MAGEA12: variants seen among roughly 807,000 people sequenced by gnomAD.
The protein encoded by MAGEA12 is melanoma-associated antigen 12.
For missense variants in MAGEA12, 235 were observed against 240.1 expected, an observed-to-expected ratio of 0.98 and a Z score of 0.14; for synonymous variants, 135 against 104.7, an observed-to-expected ratio of 1.29 and a Z score of -1.77.
At position 152,733,839 on chromosome X, in the gene MAGEA12, C is replaced by G. The variant is rs1932226058; in HGVS notation, c.-202C>G. 9.0e-6 allele frequency: 1 copy of G among 110,832 alleles called. No individual in the cohort carries two copies. 9.1% of individuals were successfully genotyped at this position (110,832 alleles called of 1,213,427 possible). A position where few individuals can be genotyped will look rare whatever the true frequency, so the allele number is the denominator to read the frequency against. ...TGACGTCGGTGGAGGGAAGCAGGCG[C>G]AGGCTCCGTGAGGAGGCAAGGTAAG... On this transcript the variant is annotated 5_prime_UTR_variant, in exon 1 of 3. Transcript: ENST00000393869.
rs782593264 is a variant in MAGEA12, at chrX:152,736,881, G to A, written c.720G>A (p.Ala240=). ...ASDGREDSVF[A]HPRKLLTQDL... ...ATGGGAGGGAGGACAGTGTCTTTGC[G>A]CATCCCAGGAAGCTGCTCACCCAAG... is the stretch of plus-strand genomic sequence containing the variant. Residue 240 remains alanine, a synonymous_variant, in exon 3 of 3, where the codon GCG becomes GCA. Transcript: ENST00000393869. 1.6e-4 allele frequency: 192 copies of A among 1,174,097 alleles called. No homozygotes were observed. Among genetic ancestry groups the A allele is most frequent in the Non-Finnish European group, 2.1e-4 (183 of 861,125 alleles).
intron 2 of MAGEA12, among the ~76,000 whole-genome samples, chrX:152,735,770 T>C (rs782443482): frequency 3.2e-4 from 36 of 112,094 alleles, no homozygotes; most frequent in Admixed American, 1.0e-3. Flanking sequence ...CCGACCCTCC[T>C]GACAATTTTG....
At chrX:152,734,354 T>TAG (rs1932252198) in intron 1 of MAGEA12, among the ~76,000 whole-genome samples, 8 of 111,257 alleles carry the variant, frequency 7.2e-5, no homozygotes, top group African/African-American at 2.3e-4. Context: ...TTCACATCTG[T>TAG]GGCTCAGGGA....
At position 152,737,324 on chromosome X, in the gene MAGEA12, T is replaced by G. The variant is rs1932351368; in HGVS notation, c.*218T>G. 1 of 525,112 alleles carries G rather than the reference T, an allele frequency of 1.9e-6. No individual in the cohort carries two copies. The highest frequency in any genetic ancestry group is 2.3e-5 in the African/African-American group (1 of 44,128). 43.3% of individuals were successfully genotyped at this position (525,112 alleles called of 1,213,427 possible). A position where few individuals can be genotyped will look rare whatever the true frequency, so the allele number is the denominator to read the frequency against. On this transcript the variant is annotated 3_prime_UTR_variant, in exon 3 of 3. Coordinates refer to ENST00000393869, the MANE Select transcript of MAGEA12 (RefSeq NM_001166387.4). ...TGTTGGAATTGTTCAAATGTTCCTT[T>G]TAACGGATGGTTGAATGAACTTCAG...
In MAGEA12 at chrX:152,733,867, G is replaced by A. The variant is rs1932227872; in HGVS notation, c.-182+8G>A. 1 of 110,790 alleles carries A rather than the reference G, an allele frequency of 9.0e-6. No individual in the cohort carries two copies. The highest frequency in any genetic ancestry group is 9.5e-5 in the Admixed American group (1 of 10,531). The allele number at this position is 110,790 out of a possible 1,213,427, so 9.1% of individuals were successfully genotyped here. A position where few individuals can be genotyped will look rare whatever the true frequency, so the allele number is the denominator to read the frequency against. On this transcript the variant is annotated splice_region_variant and intron_variant, in intron 1 of 2. Transcript: ENST00000393869. Reference sequence around the variant, plus strand: ...GCTCCGTGAGGAGGCAAGGTAAGATGCCGAGGGAGGACTGAGGCGGGCCTC... The same window carrying A: ...GCTCCGTGAGGAGGCAAGGTAAGATACCGAGGGAGGACTGAGGCGGGCCTC...
chrX:152,735,620 G>A (rs1932298467), intron 2 of MAGEA12, among the ~76,000 whole-genome samples: 1 of 112,206 alleles, frequency 8.9e-6, no homozygotes, highest in Admixed American at 9.3e-5. Context: ...TACCGTATCA[G>A]GGATGTGAAT....
chrX:152,737,404 G>A lies in MAGEA12; in HGVS notation c.*298G>A. The A allele has an allele frequency of 2.4e-6, 1 of 419,754 alleles. No homozygotes were observed. Among genetic ancestry groups the A allele is most frequent in the South Asian group, 2.8e-5 (1 of 36,173 alleles). 34.6% of individuals were successfully genotyped at this position (419,754 alleles called of 1,213,427 possible). Reference sequence around the variant, plus strand: ...ACATAGTGCTGTTTATATAGTTTAGGAGTAAGAGTGTTGTTTTTTATTCAG... The same window carrying A: ...ACATAGTGCTGTTTATATAGTTTAGAAGTAAGAGTGTTGTTTTTTATTCAG... On this transcript the variant is annotated 3_prime_UTR_variant, in exon 3 of 3. Transcript: ENST00000393869.
In MAGEA12 at chrX:152,737,605, G is replaced by T. The variant is rs186853682; in HGVS notation, c.*499G>T. 7 of 185,269 alleles carry T rather than the reference G, an allele frequency of 3.8e-5. No homozygotes were observed. The East Asian group carries it at 1.1e-3, about 30-fold the overall frequency. 15.3% of individuals were successfully genotyped at this position (185,269 alleles called of 1,213,427 possible). On this transcript the variant is annotated 3_prime_UTR_variant, in exon 3 of 3. Transcript: ENST00000393869. ...TCTATTCTGTAAATTTGAAAAAAAA[G>T]CATGGATACCTGGATATCCTTGGCT...
Position 152,736,708 on chromosome X carries a change from G to A in MAGEA12, c.547G>A (p.Gly183Ser). The A allele has an allele frequency of 8.3e-7, 1 of 1,211,914 alleles. No individual in the cohort carries two copies. Among genetic ancestry groups the A allele is most frequent in the Non-Finnish European group, 1.1e-6 (1 of 895,587 alleles). The change falls in exon 3 of 3, where the codon GGC becomes AGC. Residue 183 changes from glycine (G) to serine (S), a missense_variant. Gly to Ser is a moderately conservative substitution (Grantham distance 56, BLOSUM62 0). Coordinates refer to ENST00000393869, the MANE Select transcript of MAGEA12 (RefSeq NM_001166387.4). ...CTTGTACATCCTTGTCACCTGCCTGGGCCTCTCCTACGATGGCCTGCTGGG... is the reference window on the plus strand; with the variant it reads ...CTTGTACATCCTTGTCACCTGCCTGAGCCTCTCCTACGATGGCCTGCTGGG... ...GHLYILVTCL[G>S]LSYDGLLGDN...
chrX:152,736,624 T>G lies in MAGEA12; in HGVS notation c.463T>G (p.Ser155Ala), dbSNP rs782166418. The G allele has an allele frequency of 7.3e-5, 88 of 1,210,025 alleles. No individual in the cohort carries two copies. The highest frequency in any genetic ancestry group is 9.5e-5 in the Non-Finnish European group (85 of 895,260). The change falls in exon 3 of 3, where the codon TCC becomes GCC. Residue 155 changes from serine (S) to alanine (A), a missense_variant. Transcript: ENST00000393869. ...DFFPVIFSKASEYLQLVFGIE... is the reference protein window; with the variant it reads ...DFFPVIFSKAAEYLQLVFGIE... ...CTTTCCTGTGATCTTCAGCAAAGCC[T>G]CCGAGTACTTGCAGCTGGTCTTTGG...
Position 152,736,894 on chromosome X carries a change from C to A in MAGEA12, c.733C>A (p.Leu245Met). 1 of 1,212,139 alleles carries A rather than the reference C, an allele frequency of 8.2e-7. No individual in the cohort carries two copies. Among genetic ancestry groups the A allele is most frequent in the Non-Finnish European group, 1.1e-6 (1 of 895,599 alleles). Residue 245 changes from leucine to methionine, a missense_variant, in exon 3 of 3, where the codon CTG (leucine) becomes ATG (methionine). Transcript: ENST00000393869. ...CAGTGTCTTTGCGCATCCCAGGAAG[C>A]TGCTCACCCAAGATTTGGTGCAGGA... Reference protein sequence around the residue: ...EDSVFAHPRKLLTQDLVQENY... With the variant: ...EDSVFAHPRKMLTQDLVQENY...
In MAGEA12 at chrX:152,736,413, T is replaced by C; in HGVS notation, c.252T>C (p.Asp84=). Residue 84 remains aspartate (D), a synonymous_variant, in exon 3 of 3, where the codon GAT becomes GAC. Coordinates refer to ENST00000393869, the MANE Select transcript of MAGEA12 (RefSeq NM_001166387.4). ...TINYTLWSQS[D]EGSSNEEQEG... is the part of the protein sequence containing the mutation. ...ACTATACTCTCTGGAGTCAATCCGA[T>C]GAGGGCTCCAGCAACGAAGAACAGG... 1 of 1,211,537 alleles carries C rather than the reference T, an allele frequency of 8.3e-7. No homozygotes were observed. Among genetic ancestry groups the C allele is most frequent in the East Asian group, 3.0e-5 (1 of 33,813 alleles).
chrX:152,734,502 C>G (rs782586107), intron 1 of MAGEA12, among the ~76,000 whole-genome samples: 117 of 111,266 alleles, frequency 1.1e-3, no homozygotes, highest in Non-Finnish European at 1.3e-3. Context: ...TCAAACTGAG[C>G]CACCTTTTCA....
In MAGEA12 at chrX:152,736,647, T is replaced by C. The variant is rs1932331815; in HGVS notation, c.486T>C (p.Phe162=). 1 of 1,210,276 alleles carries C rather than the reference T, an allele frequency of 8.3e-7. No individual in the cohort carries two copies. The highest frequency in any genetic ancestry group is 1.7e-5 in the African/African-American group (1 of 57,166). ...SKASEYLQLV[F]GIEVVEVVRI... The stretch of plus-strand genomic sequence containing the variant: ...CCTCCGAGTACTTGCAGCTGGTCTT[T>C]GGCATCGAGGTGGTGGAAGTGGTCC... Residue 162 remains phenylalanine (F), a synonymous_variant, in exon 3 of 3, where the codon TTT becomes TTC. Coordinates refer to ENST00000393869, the MANE Select transcript of MAGEA12 (RefSeq NM_001166387.4).
Position 152,737,588 on chromosome X carries a change from G to T in MAGEA12, c.*482G>T. 2.3e-5 allele frequency: 4 copies of T among 172,462 alleles called. No homozygotes were observed. Among genetic ancestry groups the T allele is most frequent in the South Asian group, 1.2e-4 (1 of 8,586 alleles). 14.2% of individuals were successfully genotyped at this position (172,462 alleles called of 1,213,427 possible). A position where few individuals can be genotyped will look rare whatever the true frequency, so the allele number is the denominator to read the frequency against. On this transcript the variant is annotated 3_prime_UTR_variant, in exon 3 of 3. Transcript: ENST00000393869. ...CTTGCCTTATACCTCACTCTATTCT[G>T]TAAATTTGAAAAAAAAGCATGGATA...
intron 2 of MAGEA12, among the ~76,000 whole-genome samples, chrX:152,735,614 G>A (rs1440008381): frequency 4.5e-5 from 5 of 112,047 alleles, no homozygotes; most frequent in African/African-American, 1.6e-4. Flanking sequence ...CTTCTGTACC[G>A]TATCAGGGAT....
intron 2 of MAGEA12, 65 bp from the exon 3 acceptor site, chrX:152,736,022 T>C: frequency 3.1e-6 from 2 of 639,701 alleles, no homozygotes; most frequent in East Asian, 6.8e-5. Context: ...CCTACTGTCA[T>C]TCCTTCAGCC....
In MAGEA12 at chrX:152,734,884, T is replaced by C. The variant is rs782199826; in HGVS notation, c.-181-264T>C. On this transcript the variant is annotated intron_variant, in intron 1 of 2. Transcript: ENST00000393869. Reference sequence around the variant, plus strand: ...TATTCTTAGCTCTAAGGGAACCCGATCAGAGATAGCTCCAATTGGCAATGT... The same window carrying C: ...TATTCTTAGCTCTAAGGGAACCCGACCAGAGATAGCTCCAATTGGCAATGT... Among the ~76,000 whole-genome samples the C allele has an allele frequency of 3.2e-4, 36 of 112,537 alleles. No homozygotes were observed. The Middle Eastern group carries it at 0.018, about 58-fold the overall frequency.
Position 152,736,351 on chromosome X carries a change from A to G in MAGEA12, c.190A>G (p.Ser64Gly). 8.3e-7 allele frequency: 1 copy of G among 1,211,173 alleles called. No individual in the cohort carries two copies. Among genetic ancestry groups the G allele is most frequent in the Non-Finnish European group, 1.1e-6 (1 of 895,274 alleles). ...TGCCGAGTCACCAAGTCCTCCCCAC[A>G]GTCCTCAGGGAGCCTCCACCCTCCC... ...PAAESPSPPHSPQGASTLPTT... is the reference protein window; with the variant it reads ...PAAESPSPPHGPQGASTLPTT... Residue 64 changes from serine to glycine, a missense_variant, in exon 3 of 3, where the codon AGT (serine) becomes GGT (glycine). Transcript: ENST00000393869.
Sources: allele counts gnomAD v4.1 joint callset (sites outside exome capture counted in the v4.1 genomes callset), GRCh38; gene constraint gnomAD v4.1.1; transcripts MANE v1.5; gene names NCBI Gene and HGNC (gene_info 2026-07-23, HGNC 2026-07-21).